The following AK8 variants were observed in gnomAD, a reference collection of about 807,000 sequenced individuals.
AK8 encodes ATP-AMP transphosphorylase 8.
Under a neutral mutation model 54.6 loss-of-function variants are expected in AK8, and 44 were observed. That is an observed-to-expected ratio of 0.81 (90% CI 0.63 to 1.04). The LOEUF is 1.04. Among genes scored for constraint, AK8 ranks in the 50% least tolerant of loss-of-function variants. AK8 has a pLI of 0.00. For missense variants in AK8, 555 were observed against 613.6 expected (o/e 0.90, Z 1.01); for synonymous variants, 239 against 245.6 (o/e 0.97, Z 0.25).
chr9:132,853,055 A>G (rs2131378483), intron 5 of AK8, among the ~76,000 whole-genome samples: 2 of 152,092 alleles, frequency 1.3e-5, no homozygotes, highest in Non-Finnish European at 2.9e-5. Context: ...TCATAATTAT[A>G]CTAGTGAAAC....
intron 10 of AK8, among the ~76,000 whole-genome samples, chr9:132,807,917 T>C (rs1482206286): frequency 6.6e-6 from 1 of 151,628 alleles, no homozygotes; most frequent in Non-Finnish European, 1.5e-5. Context: ...GCTGAGGACA[T>C]CATTTGGCAG....
chr9:132,802,580 G>A (rs1840513346), intron 10 of AK8, among the ~76,000 whole-genome samples: 1 of 152,128 alleles, frequency 6.6e-6, no homozygotes, highest in Non-Finnish European at 1.5e-5. Context: ...GAGGGAAGAT[G>A]CCTGGCCAGC....
At chr9:132,751,880 G>A (rs907773051) in intron 11 of AK8, among the ~76,000 whole-genome samples, 6 of 151,550 alleles carry the variant, frequency 4.0e-5, no homozygotes, top group Admixed American at 6.6e-5. Flanking sequence ...TCGCTCTGTC[G>A]CCCAGGCTGG....
chr9:132,768,076 A>G (rs2131077268), intron 11 of AK8, among the ~76,000 whole-genome samples: 1 of 152,298 alleles, frequency 6.6e-6, no homozygotes, highest in South Asian at 2.1e-4. Flanking sequence ...TTTATTGCAT[A>G]TTTCAAAATA....
chr9:132,826,965 C>T lies in AK8; in HGVS notation c.646G>A (p.Ala216Thr). 6.2e-7 allele frequency: 1 copy of T among 1,614,258 alleles called. No homozygotes were observed. The highest frequency in any genetic ancestry group is 1.6e-4 in the Middle Eastern group (1 of 6,062). The change falls in exon 8 of 13, where the codon GCT becomes ACT. Residue 216 changes from alanine to threonine, a missense_variant. Ala to Thr is a moderately conservative substitution (Grantham distance 58, BLOSUM62 0). Transcript: ENST00000298545. This position sits in a 1 kb window ranked among gnomAD's most constrained non-coding sequence, Gnocchi z 4.5. The stretch of plus-strand genomic sequence containing the variant: ...CTATGATACTCCAGCAGTTTCTGAG[C>T]CGTCTCCAGCTCTGAGATGTCCTCT... ...VPEDISELET[A>T]QKLLEYHRNI...
At position 132,821,805 on chromosome 9, in the gene AK8, G is replaced by T. The variant is rs11243918; in HGVS notation, c.889+1400C>A. 1.6e-3 allele frequency among the ~76,000 whole-genome samples: 136 copies of T among 85,376 alleles called. 9 individuals carry two copies. The highest frequency in any genetic ancestry group is 4.7e-3 in the East Asian group (7 of 1,494). 56.0% of individuals were successfully genotyped at this position (85,376 alleles called of 152,430 possible). ...TGTATATACAAATATATACATATATGTGTATGTATATACAAATATATACAT... is the reference window on the plus strand; with the variant it reads ...TGTATATACAAATATATACATATATTTGTATGTATATACAAATATATACAT... On this transcript the variant is annotated intron_variant, in intron 9 of 12. Transcript: ENST00000298545.
intron 5 of AK8, among the ~76,000 whole-genome samples, chr9:132,854,495 C>T (rs1843099113): frequency 6.6e-6 from 1 of 152,218 alleles, no homozygotes; most frequent in African/African-American, 2.4e-5. Context: ...AGGCGAGAGT[C>T]TGGGGTACCC....
chr9:132,854,999 C>A, intron 4 of AK8, 74 bp from the exon 5 acceptor site: 2 of 1,511,882 alleles, frequency 1.3e-6, no homozygotes, highest in Non-Finnish European at 9.2e-7. Context: ...CCAGCACACA[C>A]CCTTCACCAA....
chr9:132,799,969 A>G lies in AK8; in HGVS notation c.980-7194T>C, dbSNP rs1465333345. The stretch of plus-strand genomic sequence containing the variant: ...ACCCAGGAGGTCCAGGGAATCTTAC[A>G]AAAGGAACAGGACTGTGGAGGAGGA... On this transcript the variant is annotated intron_variant, in intron 10 of 12. Coordinates refer to ENST00000298545, the MANE Select transcript of AK8 (RefSeq NM_152572.3). This position sits in a 1 kb window ranked among gnomAD's most constrained non-coding sequence, Gnocchi z 5.0. 6.6e-6 allele frequency among the ~76,000 whole-genome samples: 1 copy of G among 152,200 alleles called. No homozygotes were observed. Among genetic ancestry groups the G allele is most frequent in the African/African-American group, 2.4e-5 (1 of 41,448 alleles).
At chr9:132,874,979 G>A in intron 2 of AK8, 136 bp downstream of exon 2, 3 of 1,123,250 alleles carry the variant, frequency 2.7e-6, no homozygotes, top group Middle Eastern at 2.3e-4. Context: ...GGACAGAATG[G>A]TGCTCAGCTA....
At chr9:132,875,029 G>A in intron 2 of AK8, 86 bp downstream of exon 2, 1 of 1,528,838 alleles carries the variant, frequency 6.5e-7, no homozygotes, top group Non-Finnish European at 9.0e-7. Flanking sequence ...GGAAGAGGAG[G>A]AGGAGGCAGA....
rs992947138 is a variant in AK8 at position 132,781,715 on chromosome 9, G to A, written c.1121+10919C>T. 7.9e-5 allele frequency among the ~76,000 whole-genome samples: 12 copies of A among 152,146 alleles called. No individual in the cohort carries two copies. Among genetic ancestry groups the A allele is most frequent in the African/African-American group, 2.9e-4 (12 of 41,436 alleles). On this transcript the variant is annotated intron_variant, in intron 11 of 12. Transcript: ENST00000298545. This position sits in a 1 kb window ranked among gnomAD's most constrained non-coding sequence, Gnocchi z 4.6. Reference sequence around the variant, plus strand: ...AATTCTGTCAAGATTTCCTCCTGGTGTCAAAAACAGCAACACCACAGCTAG... The same window carrying A: ...AATTCTGTCAAGATTTCCTCCTGGTATCAAAAACAGCAACACCACAGCTAG...
At position 132,725,710 on chromosome 9, in the gene AK8, G is replaced by T. The variant is rs1359855175; in HGVS notation, c.1418C>A (p.Pro473His). 6.3e-7 allele frequency: 1 copy of T among 1,579,272 alleles called. No homozygotes were observed. The highest frequency in any genetic ancestry group is 8.6e-7 in the Non-Finnish European group (1 of 1,160,614). The change falls in exon 13 of 13, where the codon CCC becomes CAC. Residue 473 changes from proline to histidine, a missense_variant. Coordinates refer to ENST00000298545, the MANE Select transcript of AK8 (RefSeq NM_152572.3). ...FEYIESGIIN[P>H]LPKKIP ...CCATCAGGGGATTTTCTTGGGCAGG[G>T]GATTAATGATCCCACTCTCGATGTA...
At position 132,863,657 on chromosome 9, in the gene AK8, A is replaced by G; in HGVS notation, c.333+8T>C. 1 of 1,603,694 alleles carries G rather than the reference A, an allele frequency of 6.2e-7. No homozygotes were observed. Among genetic ancestry groups the G allele is most frequent in the Non-Finnish European group, 8.5e-7 (1 of 1,171,416 alleles). On this transcript the variant is annotated splice_region_variant and intron_variant, in intron 4 of 12. Coordinates refer to ENST00000298545, the MANE Select transcript of AK8 (RefSeq NM_152572.3). Reference sequence around the variant, plus strand: ...TGTGCCTACCCCTGTCCCCGGGGCCAGTCCTACCTTCCTTTGCAGATAAAG... The same window carrying G: ...TGTGCCTACCCCTGTCCCCGGGGCCGGTCCTACCTTCCTTTGCAGATAAAG...
intron 11 of AK8, among the ~76,000 whole-genome samples, chr9:132,780,896 C>A (rs1370220431): frequency 1.3e-5 from 2 of 152,152 alleles, no homozygotes; most frequent in African/African-American, 4.8e-5. Flanking sequence ...ATGACCAAGA[C>A]CTTGTGGGGG....
chr9:132,729,489 C>T (rs147760448), intron 11 of AK8, among the ~76,000 whole-genome samples: 3 of 152,348 alleles, frequency 2.0e-5, no homozygotes, highest in Admixed American at 2.0e-4. Context: ...ACCCACAGAG[C>T]TAAGCCAGGT....
chr9:132,828,194 G>C (rs564372404), intron 6 of AK8, 110 bp from the exon 7 acceptor site: 1 of 964,730 alleles, frequency 1.0e-6, no homozygotes, highest in Non-Finnish European at 1.6e-6. Flanking sequence ...TCTGTATAAT[G>C]ACATTAAAAC....
Position 132,739,441 on chromosome 9 carries a change from C to CAAAAAAAA in AK8, c.1122-11915_1122-11908dup, listed in dbSNP as rs768297504. ...TGGGCAACAGAGAGTGACTCTGTCT[C>CAAAAAAAA]AAAAAAAAAAAAAAAAAAAAAAAAA... On this transcript the variant is annotated intron_variant, in intron 11 of 12. Transcript: ENST00000298545. Among the ~76,000 whole-genome samples the CAAAAAAAA allele has an allele frequency of 2.6e-4, 8 of 31,170 alleles. 2 individuals carry two copies. The highest frequency in any genetic ancestry group is 8.7e-4 in the African/African-American group (6 of 6,916). The allele number at this position is 31,170 out of a possible 152,430, so 20.4% of individuals were successfully genotyped here.
intron 11 of AK8, among the ~76,000 whole-genome samples, chr9:132,733,492 A>C (rs927840356): frequency 6.6e-6 from 1 of 152,240 alleles, no homozygotes; most frequent in Non-Finnish European, 1.5e-5. Flanking sequence ...CAGCGTACCA[A>C]GACTGCTTGT....
Sources: gnomAD v4.1 joint callset for allele counts (sites outside exome capture counted in the v4.1 genomes callset) on GRCh38, gnomAD v4.1.1 for gene constraint, Gnocchi (gnomAD v3.1) non-coding constraint, MANE v1.5 for transcripts, NCBI Gene and HGNC (gene_info 2026-07-23, HGNC 2026-07-21) for gene names.